Variants in TRAIP observed in about 807,000 individuals in gnomAD.
TRAIP encodes E3 ubiquitin-protein ligase TRAIP.
A neutral mutation model predicts 65.0 loss-of-function variants in TRAIP; 37 were observed. The ratio of observed to expected loss-of-function variants is 0.57; its 90% CI spans 0.44 to 0.75. The LOEUF (loss-of-function observed/expected upper bound fraction) is 0.75, where lower values mean the gene tolerates loss of function less well. Ranked by LOEUF, TRAIP falls within the 30% of genes least tolerant of loss-of-function variation. TRAIP has a pLI of 0.00. For missense variants in TRAIP, 481 were observed against 579.4 expected (o/e 0.83, Z 1.74); for synonymous variants, 187 against 219.1 (o/e 0.85, Z 1.29).
At chr3:49,856,319 C>G (rs774662820) in intron 1 of TRAIP, 37 bp downstream of exon 1, 2 of 1,580,552 alleles carry the variant, frequency 1.3e-6, no homozygotes, top group Non-Finnish European at 1.7e-6. Flanking sequence ...AAGCGGTACC[C>G]GGGCAAACAC....
At chr3:49,842,075 G>A in intron 6 of TRAIP, 136 bp from the exon 7 acceptor site, 3 of 707,620 alleles carry the variant, frequency 4.2e-6, no homozygotes, top group Non-Finnish European at 7.5e-6. Flanking sequence ...AGGTGGGTGT[G>A]CCCAAGGAAA....
chr3:49,839,566 C>A (rs897863695), intron 10 of TRAIP, among the ~76,000 whole-genome samples: 4 of 152,242 alleles, frequency 2.6e-5, no homozygotes, highest in Non-Finnish European at 4.4e-5. Flanking sequence ...TCTAGGTCCT[C>A]TGGCCTTCTC....
intron 1 of TRAIP, among the ~76,000 whole-genome samples, chr3:49,854,073 C>A (rs1018812776): frequency 4.6e-5 from 7 of 151,770 alleles, no homozygotes; most frequent in Admixed American, 3.3e-4. Context: ...TGCCTGTAAA[C>A]CCCAGCACTT....
intron 1 of TRAIP, among the ~76,000 whole-genome samples, chr3:49,849,900 G>A (rs1212104937): frequency 7.3e-6 from 1 of 137,366 alleles, no homozygotes; most frequent in East Asian, 2.2e-4. Context: ...AGGCTGGAGC[G>A]CAGTGGTGTG....
intron 8 of TRAIP, 88 bp downstream of exon 8, chr3:49,840,897 A>G: frequency 8.1e-7 from 1 of 1,235,584 alleles, no homozygotes; most frequent in South Asian, 1.2e-5. Context: ...CTGTGCCATC[A>G]GGTCCCATGG....
Position 49,828,958 on chromosome 3 carries a change from G to T in TRAIP, c.*145C>A. ...AGGGCAGGAAGAGCAGTCTCTGGGTGCCACACTCACCCTCACCTGTTTGTC... is the reference window on the plus strand; with the variant it reads ...AGGGCAGGAAGAGCAGTCTCTGGGTTCCACACTCACCCTCACCTGTTTGTC... On this transcript the variant is annotated 3_prime_UTR_variant, in exon 15 of 15. Coordinates refer to ENST00000331456, the MANE Select transcript of TRAIP (RefSeq NM_005879.3). 1 of 1,125,298 alleles carries T rather than the reference G, an allele frequency of 8.9e-7. No homozygotes were observed. Among genetic ancestry groups the T allele is most frequent in the Non-Finnish European group, 1.3e-6 (1 of 766,124 alleles). 69.7% of individuals were successfully genotyped at this position (1,125,298 alleles called of 1,614,324 possible).
intron 10 of TRAIP, among the ~76,000 whole-genome samples, chr3:49,834,158 G>T (rs2108311404): frequency 6.6e-6 from 1 of 152,304 alleles, no homozygotes; most frequent in African/African-American, 2.4e-5. Flanking sequence ...CCTACCCTAA[G>T]GAAAGGTCTC....
intron 7 of TRAIP, 48 bp downstream of exon 7, chr3:49,841,778 C>A (rs776363997): frequency 1.3e-6 from 2 of 1,512,216 alleles, no homozygotes; most frequent in South Asian, 1.1e-5. Flanking sequence ...ACGGCTGGGG[C>A]CCCATGGCCT....
chr3:49,832,066 G>T lies in TRAIP; in HGVS notation c.887C>A (p.Pro296Gln), dbSNP rs1013619549. The T allele has an allele frequency of 1.9e-6, 3 of 1,584,864 alleles. No individual in the cohort carries two copies. In the African/African-American group the frequency reaches 4.1e-5, roughly 22 times the overall value. The change falls in exon 11 of 15, where the codon CCA becomes CAA. Residue 296 changes from proline to glutamine, a missense_variant and splice_region_variant. Physicochemically the swap from Pro to Gln is moderately conservative, Grantham distance 76. Transcript: ENST00000331456. The stretch of plus-strand genomic sequence containing the variant: ...CTTCAGATTCACCTCCACAGGGGCT[G>T]GGCTGAAGGCAGAGATGACCTGGTT... ...ETVDRLVLES[P>Q]APVEVNLKLR...
chr3:49,832,623 CAT>C (rs1442972770), intron 10 of TRAIP, among the ~76,000 whole-genome samples: 1 of 141,526 alleles, frequency 7.1e-6, no homozygotes, highest in Non-Finnish European at 1.5e-5. Context: ...AAATATTCCA[CAT>C]GTCAACCATA....
chr3:49,829,539 G>A, intron 13 of TRAIP, 31 bp from the exon 14 acceptor site: 2 of 1,614,196 alleles, frequency 1.2e-6, no homozygotes, highest in Non-Finnish European at 1.7e-6. Context: ...GAGTGGGCCA[G>A]GCTAATGGGC....
chr3:49,844,428 G>T, intron 4 of TRAIP, 113 bp downstream of exon 4: 4 of 1,156,548 alleles, frequency 3.5e-6, no homozygotes, highest in Non-Finnish European at 3.8e-6. Flanking sequence ...GACATACAAA[G>T]CAGGGAAAGG....
chr3:49,832,055 C>G lies in TRAIP; in HGVS notation c.898G>C (p.Glu300Gln). The G allele has an allele frequency of 6.3e-7, 1 of 1,594,808 alleles. No individual in the cohort carries two copies. Among genetic ancestry groups the G allele is most frequent in the Non-Finnish European group, 8.5e-7 (1 of 1,170,212 alleles). Residue 300 changes from glutamate (E) to glutamine (Q), a missense_variant, in exon 11 of 15, where the codon GAG becomes CAG. Transcript: ENST00000331456. ...RLVLESPAPV[E>Q]VNLKLRRPSF... ...GGCCGGCGGAGCTTCAGATTCACCT[C>G]CACAGGGGCTGGGCTGAAGGCAGAG...
chr3:49,844,598 C>G lies in TRAIP; in HGVS notation c.241-18G>C. 1 of 1,613,910 alleles carries G rather than the reference C, an allele frequency of 6.2e-7. No homozygotes were observed. Among genetic ancestry groups the G allele is most frequent in the Non-Finnish European group, 8.5e-7 (1 of 1,179,962 alleles). On this transcript the variant is annotated intron_variant, in intron 3 of 14. Coordinates refer to ENST00000331456, the MANE Select transcript of TRAIP (RefSeq NM_005879.3). ...AGTTCATTCTGAAAGGCAATACCCA[C>G]AATAAGCAGCAGGAAAGCATCATAG...
chr3:49,836,362 C>T (rs548106702), intron 10 of TRAIP, among the ~76,000 whole-genome samples: 2 of 151,828 alleles, frequency 1.3e-5, no homozygotes, highest in Non-Finnish European at 2.9e-5. Context: ...CATGGTGGTG[C>T]GTGCCTATAA....
chr3:49,844,690 G>T, intron 3 of TRAIP, 110 bp from the exon 4 acceptor site: 1 of 1,265,302 alleles, frequency 7.9e-7, no homozygotes, highest in African/African-American at 1.5e-5. Flanking sequence ...GGCCTTCTAG[G>T]GCATGAATCC....
intron 9 of TRAIP, 113 bp downstream of exon 9, chr3:49,840,171 G>A (rs2081826793): frequency 7.0e-6 from 7 of 995,172 alleles, no homozygotes; most frequent in Non-Finnish European, 1.1e-5. Flanking sequence ...GGATGCAGGG[G>A]CCCAGAACCA....
At position 49,829,619 on chromosome 3, in the gene TRAIP, C is replaced by T. The variant is rs767901086; in HGVS notation, c.1234G>A (p.Val412Met). Residue 412 changes from valine (V) to methionine (M), a missense_variant and splice_region_variant, in exon 13 of 15, where the codon GTG (valine) becomes ATG (methionine). Transcript: ENST00000331456. ...CCACTGTGGGAAGCCACACTCACCACATCTTTGCTGCAAGAGGACTCTGAC... is the reference window on the plus strand; with the variant it reads ...CCACTGTGGGAAGCCACACTCACCATATCTTTGCTGCAAGAGGACTCTGAC... The part of the protein sequence containing the change: ...PRSESSCSKD[V>M]VRTGFDGLGG... 4 of 1,614,096 alleles carry T rather than the reference C, an allele frequency of 2.5e-6. No individual in the cohort carries two copies. The highest frequency in any genetic ancestry group is 1.1e-5 in the South Asian group (1 of 91,094).
intron 12 of TRAIP, 126 bp downstream of exon 12, chr3:49,829,894 T>A: frequency 6.3e-7 from 1 of 1,582,040 alleles, no homozygotes. Context: ...ATGAGTAGAA[T>A]CCCAAGGGTG....
Sources: gnomAD v4.1 joint callset for allele counts (sites outside exome capture counted in the v4.1 genomes callset) on GRCh38, gnomAD v4.1.1 for gene constraint, MANE v1.5 for transcripts, NCBI Gene and HGNC (gene_info 2026-07-23, HGNC 2026-07-21) for gene names.